FBXO42: variants seen among roughly 807,000 people sequenced by gnomAD.
FBXO42 encodes F-box only protein 42.
Under a neutral mutation model 71.7 loss-of-function variants are expected in FBXO42, and 12 were observed. The observed-to-expected ratio is 0.17, with a 90% CI of 0.11 to 0.27. The LOEUF (loss-of-function observed/expected upper bound fraction) is 0.27. Ranked by LOEUF, FBXO42 falls within the 10% of genes least tolerant of loss-of-function variation. The pLI is 1.00. For synonymous variants in FBXO42, 325 were observed against 327.5 expected (o/e 0.99, Z 0.08); for missense variants, 707 against 911.9 (o/e 0.78, Z 2.89).
intron 5 of FBXO42, 121 bp downstream of exon 5, chr1:16,256,485 G>T: frequency 9.4e-7 from 1 of 1,068,958 alleles, no homozygotes; most frequent in Non-Finnish European, 1.3e-6. Context: ...TTCCCCTCCT[G>T]GGAAAAGAGT....
At chr1:16,295,068 G>A in intron 3 of FBXO42, 151 bp from the exon 4 acceptor site, 1 of 858,308 alleles carries the variant, frequency 1.2e-6, no homozygotes, top group Non-Finnish European at 1.7e-6. Context: ...TTGTCTCCAA[G>A]TGGATCAATA....
intron 4 of FBXO42, among the ~76,000 whole-genome samples, chr1:16,289,305 G>A (rs2082054992): frequency 6.6e-6 from 1 of 152,036 alleles, no homozygotes; most frequent in African/African-American, 2.4e-5. Context: ...GCAGGAGGCC[G>A]AGGTGGGAGG....
intron 3 of FBXO42, among the ~76,000 whole-genome samples, chr1:16,298,441 A>G (rs1339945376): frequency 6.6e-6 from 1 of 152,214 alleles, no homozygotes; most frequent in Non-Finnish European, 1.5e-5. Flanking sequence ...AGGTTGGCTC[A>G]GTAAAAGCAC....
Position 16,313,324 on chromosome 1 carries a change from CAAAGAAAGAAAGAAAGAAAGAAAG to C in FBXO42, c.250+1821_250+1844del, listed in dbSNP as rs57296538. Among the ~76,000 whole-genome samples the C allele has an allele frequency of 6.7e-4, 93 of 137,820 alleles. 2 individuals are homozygous for C. Among genetic ancestry groups the C allele is most frequent in the Middle Eastern group, 3.5e-3 (1 of 282 alleles). 90.4% of individuals were successfully genotyped at this position (137,820 alleles called of 152,430 possible). On this transcript the variant is annotated intron_variant, in intron 2 of 9. Transcript: ENST00000375592. ...AGAAAGAAAGAAAGAGAAAAGAAAA[CAAAGAAAGAAAGAAAGAAAGAAAG>C]AAAGAAAGAAAGAAAGAAAGAAAGA...
intron 1 of FBXO42, among the ~76,000 whole-genome samples, chr1:16,317,862 G>A (rs1249271743): frequency 6.7e-6 from 1 of 150,088 alleles, no homozygotes; most frequent in Non-Finnish European, 1.5e-5. Flanking sequence ...GAGGCTACAG[G>A]AAGCCATGAC....
In FBXO42 at chr1:16,252,377, T is replaced by A; in HGVS notation, c.949A>T (p.Met317Leu). ...ALFKDAWLLH[M>L]HSGPWAWQPL... ...TGCCAGGCCCAAGGACCAGAATGCA[T>A]GTGCAACAACCAAGCATCCTTGAAT... Residue 317 changes from methionine (M) to leucine (L), a missense_variant, in exon 9 of 10, where the codon ATG becomes TTG. Physicochemically the swap from Met to Leu is conservative, Grantham distance 15 (BLOSUM62 2). Coordinates refer to ENST00000375592, the MANE Select transcript of FBXO42 (RefSeq NM_018994.3). The surrounding 1 kb of genome is among the most constrained non-coding windows in gnomAD (Gnocchi z 4.4). 2 of 1,614,154 alleles carry A rather than the reference T, an allele frequency of 1.2e-6. No homozygotes were observed. Among genetic ancestry groups the A allele is most frequent in the Non-Finnish European group, 1.7e-6 (2 of 1,180,026 alleles).
At chr1:16,301,382 G>T (rs1026374646) in intron 3 of FBXO42, among the ~76,000 whole-genome samples, 1 of 152,098 alleles carries the variant, frequency 6.6e-6, no homozygotes. Flanking sequence ...GTACAAGAAG[G>T]CTGGGTGCGG....
In FBXO42 at chr1:16,250,783, C is replaced by T. The variant is rs376114387; in HGVS notation, c.2041G>A (p.Val681Met). Residue 681 changes from valine (V) to methionine (M), a missense_variant, in exon 10 of 10, where the codon GTG becomes ATG. By Grantham distance (21) the Val-to-Met change is conservative (BLOSUM62 1). This residue lies in a region of FBXO42 where 9 missense variants were observed against 31.8 expected (regional missense o/e 0.28). Coordinates refer to ENST00000375592, the MANE Select transcript of FBXO42 (RefSeq NM_018994.3). This position sits in a 1 kb window ranked among gnomAD's most constrained non-coding sequence, Gnocchi z 4.7. Reference protein sequence around the residue: ...VGPPETSLHTVVQGRGELIIF... With the variant: ...VGPPETSLHTMVQGRGELIIF... Reference sequence around the variant, plus strand: ...ATGAGTTCACCCCTGCCTTGTACCACGGTATGCAGGCTGGTTTCAGGAGGT... The same window carrying T: ...ATGAGTTCACCCCTGCCTTGTACCATGGTATGCAGGCTGGTTTCAGGAGGT... 9 of 1,614,054 alleles carry T rather than the reference C, an allele frequency of 5.6e-6. No individual in the cohort carries two copies. The highest frequency in any genetic ancestry group is 4.0e-5 in the African/African-American group (3 of 74,918).
intron 1 of FBXO42, among the ~76,000 whole-genome samples, chr1:16,318,433 G>GT (rs60700519): frequency 0.33 from 50,801 of 151,794 alleles, 8,953 homozygotes; most frequent in African/African-American, 0.4. Flanking sequence ...AATAAATAAA[G>GT]TTGCCAAAAT....
Position 16,263,835 on chromosome 1 carries a change from A to T in FBXO42, c.503-7076T>A, listed in dbSNP as rs528570694. ...TTTTTTTTTTTTTTTTTGGAGGCAG[A>T]GTTTCACTCTTTTCGCCCAGGCTGG... On this transcript the variant is annotated intron_variant, in intron 4 of 9. Coordinates refer to ENST00000375592, the MANE Select transcript of FBXO42 (RefSeq NM_018994.3). 7.1e-4 allele frequency among the ~76,000 whole-genome samples: 98 copies of T among 138,994 alleles called. 1 individual carries two copies. Among genetic ancestry groups the T allele is most frequent in the Non-Finnish European group, 1.3e-3 (83 of 64,512 alleles). The allele number at this position is 138,994 out of a possible 152,430, so 91.2% of individuals were successfully genotyped here. A position where few individuals can be genotyped will look rare whatever the true frequency, so the allele number is the denominator to read the frequency against.
At chr1:16,305,178 A>G (rs902390642) in intron 3 of FBXO42, among the ~76,000 whole-genome samples, 4 of 151,874 alleles carry the variant, frequency 2.6e-5, no homozygotes, top group Non-Finnish European at 5.9e-5. Flanking sequence ...TGAGCCCAGG[A>G]GTTGAAGACA....
intron 4 of FBXO42, among the ~76,000 whole-genome samples, chr1:16,265,163 G>A (rs945861514): frequency 6.6e-6 from 1 of 152,106 alleles, no homozygotes; most frequent in African/African-American, 2.4e-5. Context: ...GCGCAATCTC[G>A]GCTCACCGCA....
chr1:16,315,624 C>G (rs1279879557), intron 1 of FBXO42, among the ~76,000 whole-genome samples, 189 bp from the exon 2 acceptor site: 1 of 152,126 alleles, frequency 6.6e-6, no homozygotes, highest in Non-Finnish European at 1.5e-5. Context: ...AAGCCCATCC[C>G]CAAAGGCTTT....
At chr1:16,309,992 G>A (rs1274243260) in intron 2 of FBXO42, among the ~76,000 whole-genome samples, 1 of 151,872 alleles carries the variant, frequency 6.6e-6, no homozygotes, top group Non-Finnish European at 1.5e-5. Flanking sequence ...TCAGGAGATC[G>A]AGACCATCCT....
rs1016115246 is a variant in FBXO42 at position 16,256,717 on chromosome 1, T to C, written c.545A>G (p.Tyr182Cys). 1 of 1,614,046 alleles carries C rather than the reference T, an allele frequency of 6.2e-7. No homozygotes were observed. Among genetic ancestry groups the C allele is most frequent in the African/African-American group, 1.3e-5 (1 of 74,916 alleles). ...ACCAAACAGCACTAGCAAGTCCTTGTACACGACCAGAGTTGCTCCAGCTTT... is the reference window on the plus strand; with the variant it reads ...ACCAAACAGCACTAGCAAGTCCTTGCACACGACCAGAGTTGCTCCAGCTTT... ...SPKAGATLVVYKDLLVLFGGW... is the reference protein window; with the variant it reads ...SPKAGATLVVCKDLLVLFGGW... The change falls in exon 5 of 10, where the codon TAC becomes TGC. Residue 182 changes from tyrosine (Y) to cysteine (C), a missense_variant. Tyr to Cys is a radical substitution (Grantham distance 194). Around this residue, in one of 5 missense-constraint regions of FBXO42, gnomAD observed 188 missense variants for 230.5 expected, o/e 0.82. Transcript: ENST00000375592.
chr1:16,332,725 G>A (rs376393251), intron 1 of FBXO42, among the ~76,000 whole-genome samples: 2 of 151,982 alleles, frequency 1.3e-5, no homozygotes, highest in East Asian at 1.9e-4. Flanking sequence ...ATTTTTAGTA[G>A]AGATACAGTT....
intron 1 of FBXO42, among the ~76,000 whole-genome samples, chr1:16,316,697 T>G (rs900907520): frequency 7.8e-6 from 1 of 127,474 alleles, no homozygotes; most frequent in East Asian, 2.3e-4. Flanking sequence ...ATCATGCCAC[T>G]GCACTCCAGC....
rs1184426641 is a variant in FBXO42 at position 16,295,684 on chromosome 1, T to C, written c.368-767A>G. 3.9e-5 allele frequency among the ~76,000 whole-genome samples: 6 copies of C among 152,148 alleles called. No individual in the cohort carries two copies. In the East Asian group the frequency reaches 7.7e-4, roughly 20 times the overall value. The stretch of plus-strand genomic sequence containing the variant: ...CTGGGATTACAGGCATGAGCCACCA[T>C]GCCCGGCCAATAAATGAATCTTTAT... On this transcript the variant is annotated intron_variant, in intron 3 of 9. Coordinates refer to ENST00000375592, the MANE Select transcript of FBXO42 (RefSeq NM_018994.3).
chr1:16,321,693 G>GTT (rs143212893), intron 1 of FBXO42, among the ~76,000 whole-genome samples: 5 of 143,608 alleles, frequency 3.5e-5, no homozygotes, highest in South Asian at 2.3e-4. Flanking sequence ...GCTCGCAAGG[G>GTT]TTTTTTTTTT....
Sources: gnomAD v4.1 joint callset for allele counts (sites outside exome capture counted in the v4.1 genomes callset) on GRCh38, gnomAD v4.1.1 for gene constraint, gnomAD v4.1.1 regional missense constraint, Gnocchi (gnomAD v3.1) non-coding constraint, MANE v1.5 for transcripts, NCBI Gene and HGNC (gene_info 2026-07-23, HGNC 2026-07-21) for gene names.